The following GALNT13 variants were observed in gnomAD, a reference collection of about 807,000 sequenced individuals.
GALNT13 encodes the protein UDP-GalNAc:polypeptide N-acetylgalactosaminyltransferase 13.
In GALNT13, 28 loss-of-function variants were observed where a neutral mutation model predicts 64.2. That is an observed-to-expected ratio of 0.44 (90% confidence interval 0.32 to 0.60). The LOEUF (loss-of-function observed/expected upper bound fraction) is 0.60. Ranked by LOEUF, GALNT13 falls within the 20% of genes least tolerant of loss-of-function variation. The pLI, the probability that GALNT13 is intolerant of heterozygous loss-of-function variation, is 0.05. For missense variants in GALNT13, 577 were observed against 669.8 expected (o/e 0.86, Z 1.53); for synonymous variants, 214 against 224.6 (o/e 0.95, Z 0.42).
At chr2:153,439,841 G>T in the GALNT13 span, among the ~76,000 whole-genome samples, 1 of 152,088 alleles carries the variant, frequency 6.6e-6, no homozygotes, top group Admixed American at 6.5e-5. Context: ...TCCACTGTCC[G>T]GCACTCCCCA....
chr2:153,132,608 G>A, the GALNT13 span, among the ~76,000 whole-genome samples: 1 of 152,164 alleles, frequency 6.6e-6, no homozygotes, highest in African/African-American at 2.4e-5. Flanking sequence ...GCTCTGATTA[G>A]TATATCGATT....
chr2:153,871,479 GCGC>G (rs1461538819), upstream of GALNT13, among the ~76,000 whole-genome samples: 4 of 152,220 alleles, frequency 2.6e-5, no homozygotes, highest in African/African-American at 9.6e-5. Flanking sequence ...GGGGTTGCCG[GCGC>G]TTTCCCCGAG....
At chr2:153,353,277 G>C in the GALNT13 span, among the ~76,000 whole-genome samples, 2 of 152,080 alleles carry the variant, frequency 1.3e-5, no homozygotes, top group African/African-American at 4.8e-5. Flanking sequence ...ATAGGAAAGT[G>C]ATTGGGTTTT....
At chr2:153,218,521 C>A in the GALNT13 span, among the ~76,000 whole-genome samples, 1 of 152,162 alleles carries the variant, frequency 6.6e-6, no homozygotes, top group Non-Finnish European at 1.5e-5. Context: ...ATGGTTCCTT[C>A]TGGGTGATAG....
chr2:153,163,642 C>T, the GALNT13 span, among the ~76,000 whole-genome samples: 3 of 152,044 alleles, frequency 2.0e-5, no homozygotes, highest in African/African-American at 7.2e-5. Flanking sequence ...AGCATAGATA[C>T]CCTTAAAAAG....
chr2:154,236,020 T>A (rs1157939344), intron 4 of GALNT13: 4 of 1,213,492 alleles, frequency 3.3e-6, no homozygotes, highest in Non-Finnish European at 4.3e-6. Flanking sequence ...GCTGGATTTA[T>A]TTTTTATATA....
the GALNT13 span, among the ~76,000 whole-genome samples, chr2:153,071,319 T>A: frequency 6.6e-6 from 1 of 152,346 alleles, no homozygotes; most frequent in Admixed American, 6.5e-5. Context: ...ATATAAAGTT[T>A]ATGCCTTTCT....
At chr2:153,519,061 A>G in the GALNT13 span, among the ~76,000 whole-genome samples, 2 of 152,172 alleles carry the variant, frequency 1.3e-5, no homozygotes, top group African/African-American at 4.8e-5. Context: ...GCCATAGACT[A>G]AGAAGTTAAT....
intron 8 of GALNT13, among the ~76,000 whole-genome samples, chr2:154,298,537 T>TATAATTTATATATAAATTGTATATATA (rs1553511314): frequency 1.3e-5 from 1 of 76,942 alleles, no homozygotes; most frequent in African/African-American, 5.4e-5. Flanking sequence ...AAATTGTATA[T>TATAATTTATATATAAATTGTATATATA]ATTTATATAT....
the GALNT13 span, among the ~76,000 whole-genome samples, chr2:153,328,420 A>G: frequency 6.6e-6 from 1 of 152,126 alleles, no homozygotes; most frequent in Non-Finnish European, 1.5e-5. Context: ...CCTTCCCCCA[A>G]GTGCTCTGTC....
the GALNT13 span, among the ~76,000 whole-genome samples, chr2:153,576,256 C>T: frequency 1.3e-5 from 2 of 152,076 alleles, no homozygotes; most frequent in South Asian, 2.1e-4. Context: ...TCCGTAGCTG[C>T]CCCGGCTGGT....
the GALNT13 span, among the ~76,000 whole-genome samples, chr2:153,079,323 G>A: frequency 6.6e-6 from 1 of 152,180 alleles, no homozygotes; most frequent in African/African-American, 2.4e-5. Context: ...AAGAGAAAGT[G>A]CAGATTGCAA....
At chr2:154,191,581 C>A (rs1469622656) in intron 4 of GALNT13, among the ~76,000 whole-genome samples, 1 of 152,180 alleles carries the variant, frequency 6.6e-6, no homozygotes, top group East Asian at 1.9e-4. Context: ...GTTTAAACCA[C>A]TTTTCAACTT....
chr2:153,302,620 A>C, the GALNT13 span, among the ~76,000 whole-genome samples: 1 of 152,108 alleles, frequency 6.6e-6, no homozygotes, highest in Admixed American at 6.5e-5. Flanking sequence ...TATGCAGAAA[A>C]GTAATTGCCC....
At chr2:154,251,607 G>A (rs1559049146) in intron 7 of GALNT13, among the ~76,000 whole-genome samples, 1 of 152,168 alleles carries the variant, frequency 6.6e-6, no homozygotes, top group Non-Finnish European at 1.5e-5. Flanking sequence ...CCAGCATAAA[G>A]TCTTAAAGTA....
At chr2:153,693,420 C>A in the GALNT13 span, among the ~76,000 whole-genome samples, 1 of 152,068 alleles carries the variant, frequency 6.6e-6, no homozygotes, top group African/African-American at 2.4e-5. Context: ...GTGTATATAG[C>A]AGTACTGCTG....
intron 3 of GALNT13, among the ~76,000 whole-genome samples, chr2:154,023,469 G>C (rs897217403): frequency 2.0e-5 from 3 of 152,092 alleles, no homozygotes; most frequent in Non-Finnish European, 4.4e-5. Flanking sequence ...TGTCTCTTTT[G>C]ATCTTTGTTG....
intron 3 of GALNT13, among the ~76,000 whole-genome samples, chr2:154,050,710 A>ATGC (rs1699557055): frequency 6.6e-6 from 1 of 152,198 alleles, no homozygotes; most frequent in South Asian, 2.1e-4. Flanking sequence ...GTTTTAACAT[A>ATGC]TGCACATCTG....
chr2:153,342,409 A>G, the GALNT13 span, among the ~76,000 whole-genome samples: 1 of 152,220 alleles, frequency 6.6e-6, no homozygotes, highest in Admixed American at 6.5e-5. Context: ...CACTGTCTGC[A>G]CTAAATGACT....
Sources: gnomAD v4.1 joint callset for allele counts (sites outside exome capture counted in the v4.1 genomes callset) on GRCh38, gnomAD v4.1.1 for gene constraint, MANE v1.5 for transcripts, NCBI Gene and HGNC (gene_info 2026-07-23, HGNC 2026-07-21) for gene names.